The following ZHX3 variants were observed in gnomAD, a reference collection of about 807,000 sequenced individuals.
ZHX3 encodes zinc fingers and homeoboxes protein 3.
A neutral mutation model predicts 64.5 loss-of-function variants in ZHX3; 20 were observed. The observed-to-expected ratio is 0.31, with a 90% confidence interval of 0.22 to 0.45. The LOEUF is 0.45. Ranked by LOEUF, ZHX3 falls within the 20% of genes least tolerant of loss-of-function variation. ZHX3 has a pLI of 1.00. For synonymous variants in ZHX3, 423 were observed against 461.6 expected (o/e 0.92, Z 1.07); for missense variants, 1,041 against 1,195.8 (o/e 0.87, Z 1.91).
At chr20:41,289,903 A>G (rs759584532) in intron 1 of ZHX3, among the ~76,000 whole-genome samples, 2 of 152,248 alleles carry the variant, frequency 1.3e-5, no homozygotes, top group Non-Finnish European at 2.9e-5. Flanking sequence ...ATGCACTTCT[A>G]TCCTAGTTGT....
intron 2 of ZHX3, among the ~76,000 whole-genome samples, chr20:41,260,986 A>C (rs1411445850): frequency 6.6e-6 from 1 of 152,222 alleles, no homozygotes; most frequent in Non-Finnish European, 1.5e-5. Flanking sequence ...GGAAAGATAC[A>C]ATCTATGAAT....
At chr20:41,233,978 A>G (rs1280186498) in intron 2 of ZHX3, among the ~76,000 whole-genome samples, 2 of 152,248 alleles carry the variant, frequency 1.3e-5, no homozygotes, top group African/African-American at 4.8e-5. Flanking sequence ...TACATAGCAC[A>G]GACCTAAATG....
intron 1 of ZHX3, among the ~76,000 whole-genome samples, chr20:41,283,496 C>T (rs1318280060): frequency 1.3e-5 from 2 of 152,128 alleles, no homozygotes; most frequent in Non-Finnish European, 2.9e-5. Context: ...TGGTAGCTCA[C>T]GCCTGTAATC....
chr20:41,293,330 G>C (rs976937774), intron 1 of ZHX3, among the ~76,000 whole-genome samples: 1 of 152,212 alleles, frequency 6.6e-6, no homozygotes, highest in African/African-American at 2.4e-5. Context: ...CATGGATTTA[G>C]AGGATTATTG....
chr20:41,265,553 T>C (rs1398934714), intron 2 of ZHX3, among the ~76,000 whole-genome samples: 5 of 152,108 alleles, frequency 3.3e-5, no homozygotes, highest in East Asian at 3.9e-4. Context: ...GAAAAACTTA[T>C]AGTATTCCTG....
At chr20:41,189,131 T>C (rs2036789583) in intron 3 of ZHX3, among the ~76,000 whole-genome samples, 1 of 152,228 alleles carries the variant, frequency 6.6e-6, no homozygotes, top group Admixed American at 6.5e-5. Flanking sequence ...GGCACCTTTG[T>C]TGAAAATCAG....
intron 2 of ZHX3, among the ~76,000 whole-genome samples, chr20:41,218,546 T>C (rs1044946844): frequency 5.3e-5 from 8 of 152,216 alleles, no homozygotes; most frequent in Non-Finnish European, 1.2e-4. Flanking sequence ...AGGGTCTGTA[T>C]TGCTTACTCT....
intron 1 of ZHX3, among the ~76,000 whole-genome samples, chr20:41,272,946 A>G (rs1295610634): frequency 1.3e-5 from 2 of 152,190 alleles, no homozygotes; most frequent in African/African-American, 4.8e-5. Context: ...TTGAGGAACT[A>G]CTACACTGTT....
At chr20:41,237,268 T>C (rs142609331) in intron 2 of ZHX3, among the ~76,000 whole-genome samples, 8,960 of 152,284 alleles carry the variant, frequency 0.059, 329 homozygotes, top group Middle Eastern at 0.15. Flanking sequence ...ACTGGGTATA[T>C]ACCCAAAGGA....
intron 1 of ZHX3, among the ~76,000 whole-genome samples, chr20:41,294,811 C>T (rs1377076884): frequency 6.6e-6 from 1 of 152,088 alleles, no homozygotes; most frequent in Admixed American, 6.5e-5. Context: ...TGGGTTCAGG[C>T]GATCCTCCCA....
At chr20:41,246,484 T>A (rs555012517) in intron 2 of ZHX3, among the ~76,000 whole-genome samples, 8 of 152,198 alleles carry the variant, frequency 5.3e-5, no homozygotes, top group African/African-American at 7.2e-5. Context: ...GGTGAGACTT[T>A]AACAAATAAA....
rs574084364 is a variant in ZHX3 at position 41,277,004 on chromosome 20, A to T, written c.-244-7921T>A. On this transcript the variant is annotated intron_variant, in intron 1 of 3. Transcript: ENST00000683867. ...GCAAGATAAGTTAGATATAAAATAA[A>T]ATGTGGAGTTCTAGAAAAGACAAAA... 2.6e-5 allele frequency among the ~76,000 whole-genome samples: 4 copies of T among 152,370 alleles called. No individual in the cohort carries two copies. The South Asian group carries it at 8.3e-4, about 32-fold the overall frequency.
At chr20:41,301,791 A>G (rs1319108083) in intron 1 of ZHX3, among the ~76,000 whole-genome samples, 1 of 152,058 alleles carries the variant, frequency 6.6e-6, no homozygotes, top group African/African-American at 2.4e-5. Flanking sequence ...GCGGTGGCTC[A>G]CGCCTGTAAT....
intron 1 of ZHX3, chr20:41,272,315 A>C (rs1309299703): frequency 6.6e-6 from 1 of 152,240 alleles, no homozygotes; most frequent in Non-Finnish European, 1.5e-5. Flanking sequence ...CAGCAAAGCC[A>C]CAGTTATCTG....
intron 2 of ZHX3, among the ~76,000 whole-genome samples, chr20:41,225,722 A>T (rs2040226151): frequency 6.6e-6 from 1 of 152,208 alleles, no homozygotes; most frequent in South Asian, 2.1e-4. Context: ...TCCTGACCTC[A>T]GGTGATCAGC....
intron 2 of ZHX3, among the ~76,000 whole-genome samples, chr20:41,225,608 C>A (rs2040216337): frequency 6.6e-6 from 1 of 152,156 alleles, no homozygotes; most frequent in Non-Finnish European, 1.5e-5. Context: ...CTACCTCAGC[C>A]TCCTGAGTAG....
chr20:41,226,253 C>T lies in ZHX3; in HGVS notation c.-150-21187G>A, dbSNP rs1179868253. Among the ~76,000 whole-genome samples, 3 of 151,924 alleles carry T rather than the reference C, an allele frequency of 2.0e-5. No homozygotes were observed. Among genetic ancestry groups the T allele is most frequent in the East Asian group, 1.9e-4 (1 of 5,184 alleles). ...TCTACTAAAAATACAAAAAATTAGC[C>T]GGGCGTGCTGGCGAATGGCATGAAC... On this transcript the variant is annotated intron_variant, in intron 2 of 3. Coordinates refer to ENST00000683867, the MANE Select transcript of ZHX3 (RefSeq NM_001384317.1). This position sits in a 1 kb window ranked among gnomAD's most constrained non-coding sequence, Gnocchi z 4.4.
rs938409230 is a variant in ZHX3, at chr20:41,183,198, T to TAA, written c.*1991_*1992dup. 2.0e-5 allele frequency: 3 copies of TAA among 152,198 alleles called. No homozygotes were observed. The highest frequency in any genetic ancestry group is 6.5e-5 in the Admixed American group (1 of 15,286). The allele number at this position is 152,198 out of a possible 1,614,324, so 9.4% of individuals were successfully genotyped here. A position where few individuals can be genotyped will look rare whatever the true frequency, so the allele number is the denominator to read the frequency against. On this transcript the variant is annotated 3_prime_UTR_variant, in exon 4 of 4. Transcript: ENST00000683867. This position sits in a 1 kb window ranked among gnomAD's most constrained non-coding sequence, Gnocchi z 5.3. ...ATGTGTGTGTGTATATATATATATATAAATTAATCTGCACGTATATAAACA... is the reference window on the plus strand; with the variant it reads ...ATGTGTGTGTGTATATATATATATATAAAAATTAATCTGCACGTATATAAACA...
chr20:41,308,528 G>C (rs2045043086), intron 1 of ZHX3, among the ~76,000 whole-genome samples: 1 of 152,238 alleles, frequency 6.6e-6, no homozygotes, highest in South Asian at 2.1e-4. Flanking sequence ...TTTTCCCAAA[G>C]CTTTAGTGTT....
Sources: gnomAD v4.1 joint callset for allele counts (sites outside exome capture counted in the v4.1 genomes callset) on GRCh38, gnomAD v4.1.1 for gene constraint, Gnocchi (gnomAD v3.1) non-coding constraint, MANE v1.5 for transcripts, NCBI Gene and HGNC (gene_info 2026-07-23, HGNC 2026-07-21) for gene names.